Variants in IFI30 observed in about 807,000 individuals in gnomAD.
IFI30 encodes the protein gamma-interferon-inducible lysosomal thiol reductase.
In IFI30, 26 loss-of-function variants were observed where a neutral mutation model predicts 30.1. The observed-to-expected ratio is 0.87, with a 90% CI of 0.63 to 1.20. The LOEUF is 1.20. Ranked by LOEUF, IFI30 falls within the 50% of genes most tolerant of loss-of-function variation. The pLI is 0.00. For missense variants in IFI30, 296 were observed against 312.5 expected (o/e 0.95, Z 0.40); for synonymous variants, 149 against 134.5 (o/e 1.11, Z -0.75).
chr19:18,175,092 T>C lies in IFI30; in HGVS notation c.185T>C (p.Val62Ala). 6.2e-7 allele frequency: 1 copy of C among 1,613,814 alleles called. No homozygotes were observed. Among genetic ancestry groups the C allele is most frequent in the Non-Finnish European group, 8.5e-7 (1 of 1,179,824 alleles). The stretch of plus-strand genomic sequence containing the variant: ...CTGAAGAAGTCCAATGCACCGCTTG[T>C]CAATGTGACCCTCTACTATGAAGCA... ...GPLKKSNAPL[V>A]NVTLYYEALC... The change falls in exon 2 of 7, where the codon GTC (valine) becomes GCC (alanine). Residue 62 changes from valine to alanine, a missense_variant. Val to Ala is a moderately conservative substitution (Grantham distance 64). Transcript: ENST00000407280.
rs1220476979 is a variant in IFI30 at position 18,175,202 on chromosome 19, G to A, written c.295G>A (p.Val99Met). 1.9e-6 allele frequency: 3 copies of A among 1,589,366 alleles called. No individual in the cohort carries two copies. The Admixed American group carries it at 5.5e-5, about 29-fold the overall frequency. ...CATGGAGATCCTCAATGTCACGCTG[G>A]TGCCCTACGGAAACGCACAGGTGTG... ...LVMEILNVTL[V>M]PYGNAQEQNV... The change falls in exon 2 of 7, where the codon GTG becomes ATG. Residue 99 changes from valine (V) to methionine (M), a missense_variant. Val to Met is a conservative substitution (Grantham distance 21, BLOSUM62 1). Transcript: ENST00000407280.
rs768985984 is a variant in IFI30, at chr19:18,175,252, G to A, written c.315+30G>A. On this transcript the variant is annotated intron_variant, in intron 2 of 6. Coordinates refer to ENST00000407280, the MANE Select transcript of IFI30 (RefSeq NM_006332.5). Reference sequence around the variant, plus strand: ...GTGGGCGCTGGGGAAACTGAGGCACGTGGGCAGGGGAGCAGGGGACCCAGC... The same window carrying A: ...GTGGGCGCTGGGGAAACTGAGGCACATGGGCAGGGGAGCAGGGGACCCAGC... 231 of 1,575,666 alleles carry A rather than the reference G, an allele frequency of 1.5e-4. 1 individual carries two copies. The highest frequency in any genetic ancestry group is 2.0e-4 in the Non-Finnish European group (228 of 1,161,284).
Position 18,177,751 on chromosome 19 carries a change from G to A in IFI30, c.677G>A (p.Cys226Tyr). 1 of 1,613,802 alleles carries A rather than the reference G, an allele frequency of 6.2e-7. No homozygotes were observed. The highest frequency in any genetic ancestry group is 8.5e-7 in the Non-Finnish European group (1 of 1,179,812). The stretch of plus-strand genomic sequence containing the variant: ...CAGACCCAGCTCCTTACCCTTGTCT[G>A]CCAGTTGTACCAGGTAAGCTGGGAG... ...EDQTQLLTLV[C>Y]QLYQGKKPDV... The change falls in exon 6 of 7, where the codon TGC becomes TAC. Residue 226 changes from cysteine (C) to tyrosine (Y), a missense_variant. By Grantham distance (194) the Cys-to-Tyr change is radical. Coordinates refer to ENST00000407280, the MANE Select transcript of IFI30 (RefSeq NM_006332.5).
Position 18,177,747 on chromosome 19 carries a change from G to C in IFI30, c.673G>C (p.Val225Leu). The change falls in exon 6 of 7, where the codon GTC (valine) becomes CTC (leucine). Residue 225 changes from valine (V) to leucine (L), a missense_variant. By Grantham distance (32) the Val-to-Leu change is conservative. Coordinates refer to ENST00000407280, the MANE Select transcript of IFI30 (RefSeq NM_006332.5). ...LEDQTQLLTL[V>L]CQLYQGKKPD... ...AGATCAGACCCAGCTCCTTACCCTT[G>C]TCTGCCAGTTGTACCAGGTAAGCTG... The C allele has an allele frequency of 6.2e-7, 1 of 1,613,866 alleles. No individual in the cohort carries two copies. Among genetic ancestry groups the C allele is most frequent in the Non-Finnish European group, 8.5e-7 (1 of 1,179,848 alleles).
chr19:18,175,045 CA>C lies in IFI30; in HGVS notation c.140del (p.Asn47IlefsTer8), dbSNP rs1967249362. 6.2e-7 allele frequency: 1 copy of C among 1,613,066 alleles called. No homozygotes were observed. On this transcript the variant is annotated frameshift_variant, in exon 2 of 7. Transcript: ENST00000407280. LOFTEE classifies it high-confidence loss of function. ...CACGCCTTCCTAATCCACAGACAGG[CA>C]ATCTATACCTGCGGGGGCCCCTGAA... ...NGPPVNYKTGNLYLRGPLKKS... is the reference protein window; with the variant it reads ...NGPPVNYKTGXLYLRGPLKKS...
chr19:18,174,817 A>G, intron 1 of IFI30: 1 of 512,124 alleles, frequency 2.0e-6, no homozygotes, highest in South Asian at 2.5e-5. Context: ...TGTTGCAGTG[A>G]GCCGAGATCG....
At chr19:18,177,036 C>A in intron 4 of IFI30, 104 bp from the exon 5 acceptor site, 1 of 1,220,862 alleles carries the variant, frequency 8.2e-7, no homozygotes. Flanking sequence ...GCCAACTGTA[C>A]CCTCTTCTCA....
rs769096129 is a variant in IFI30, at chr19:18,177,325, C to T, written c.636+33C>T. ...TCTTTTTAGCCCTCAGCTTGACACT[C>T]ATAGTCCCATGGAGTCAGGGATGGA... On this transcript the variant is annotated intron_variant, in intron 5 of 6. Coordinates refer to ENST00000407280, the MANE Select transcript of IFI30 (RefSeq NM_006332.5). 2.6e-6 allele frequency: 4 copies of T among 1,558,660 alleles called. No homozygotes were observed. The South Asian group carries it at 4.8e-5, about 19-fold the overall frequency.
At chr19:18,174,128 G>C in intron 1 of IFI30, 155 bp downstream of exon 1, 1 of 697,896 alleles carries the variant, frequency 1.4e-6, no homozygotes, top group South Asian at 2.0e-5. Context: ...TTCAGTTCCC[G>C]GCGCTGCGGC....
In IFI30 at chr19:18,174,968, A is replaced by G. The variant is rs1967248376; in HGVS notation, c.133-72A>G. 2.4e-6 allele frequency: 3 copies of G among 1,256,696 alleles called. No homozygotes were observed. In the African/African-American group the frequency reaches 4.5e-5, roughly 19 times the overall value. The allele number at this position is 1,256,696 out of a possible 1,614,324, so 77.8% of individuals were successfully genotyped here. On this transcript the variant is annotated intron_variant, in intron 1 of 6. Coordinates refer to ENST00000407280, the MANE Select transcript of IFI30 (RefSeq NM_006332.5). Reference sequence around the variant, plus strand: ...ATCACAGCCCCCTTTCTACAAGACTACCAAGTGGGGTTGAGAGAAGTGGGG... The same window carrying G: ...ATCACAGCCCCCTTTCTACAAGACTGCCAAGTGGGGTTGAGAGAAGTGGGG...
Position 18,178,099 on chromosome 19 carries a change from T to C in IFI30, c.*188T>C, listed in dbSNP as rs1359139538. 1 of 618,618 alleles carries C rather than the reference T, an allele frequency of 1.6e-6. No individual in the cohort carries two copies. The highest frequency in any genetic ancestry group is 1.8e-5 in the African/African-American group (1 of 54,222). The allele number at this position is 618,618 out of a possible 1,614,324, so 38.3% of individuals were successfully genotyped here. ...TGCTCCACTAAGAATGGTGCTAAAG[T>C]AAAACTAGTTTAATAAGCCCTTCTG... On this transcript the variant is annotated 3_prime_UTR_variant, in exon 7 of 7. Coordinates refer to ENST00000407280, the MANE Select transcript of IFI30 (RefSeq NM_006332.5).
intron 1 of IFI30, chr19:18,174,195 C>T (rs1364416033): frequency 1.9e-6 from 1 of 517,910 alleles, no homozygotes; most frequent in Non-Finnish European, 3.4e-6. Context: ...GCGCAGCTGC[C>T]TCCACCCGCC....
Position 18,175,767 on chromosome 19 carries a change from C to A in IFI30, c.483+70C>A. The A allele has an allele frequency of 4.1e-6, 5 of 1,218,852 alleles. No individual in the cohort carries two copies. In the South Asian group the frequency reaches 5.2e-5, roughly 13 times the overall value. 75.5% of individuals were successfully genotyped at this position (1,218,852 alleles called of 1,614,324 possible). On this transcript the variant is annotated intron_variant, in intron 4 of 6. Coordinates refer to ENST00000407280, the MANE Select transcript of IFI30 (RefSeq NM_006332.5). Reference sequence around the variant, plus strand: ...GTAACCTTCCCTGCATCCAGGCAGACCCAAATTCAAGTCCTAGCCCTGACC... The same window carrying A: ...GTAACCTTCCCTGCATCCAGGCAGAACCAAATTCAAGTCCTAGCCCTGACC...
chr19:18,173,949 G>A lies in IFI30; in HGVS notation c.108G>A (p.Gly36=), dbSNP rs1269413878. The A allele has an allele frequency of 1.3e-6, 2 of 1,551,464 alleles. No individual in the cohort carries two copies. The highest frequency in any genetic ancestry group is 2.4e-5 in the East Asian group (1 of 40,930). ...ASPLQALDFF[G]NGPPVNYKTG... is the part of the protein sequence containing the mutation. ...CTCTGCAAGCGTTAGACTTCTTTGG[G>A]AATGGGCCACCAGTTAACTACAAGG... Residue 36 remains glycine, a synonymous_variant, in exon 1 of 7, where the codon GGG becomes GGA. Coordinates refer to ENST00000407280, the MANE Select transcript of IFI30 (RefSeq NM_006332.5).
At chr19:18,174,824 A>G in intron 1 of IFI30, 1 of 529,296 alleles carries the variant, frequency 1.9e-6, no homozygotes, top group East Asian at 3.2e-5. Context: ...GTGAGCCGAG[A>G]TCGTGCCGCA....
At chr19:18,176,049 G>T (rs893242617) in intron 4 of IFI30, among the ~76,000 whole-genome samples, 1 of 150,712 alleles carries the variant, frequency 6.6e-6, no homozygotes, top group African/African-American at 2.4e-5. Context: ...CACCATGTTG[G>T]TCAGGCTTGT....
intron 4 of IFI30, among the ~76,000 whole-genome samples, chr19:18,176,463 G>T (rs928387305): frequency 1.3e-5 from 2 of 152,088 alleles, no homozygotes; most frequent in African/African-American, 4.8e-5. Flanking sequence ...CTCCCCTCTT[G>T]AAGCCTCCAT....
At position 18,175,446 on chromosome 19, in the gene IFI30, A is replaced by G. The variant is rs1282102549; in HGVS notation, c.390+61A>G. On this transcript the variant is annotated intron_variant, in intron 3 of 6. Transcript: ENST00000407280. ...AAAACTGTCCCACGTACAGGAGGCA[A>G]ATACGAGGATGCCAGCTCTGTCTTC... 2.7e-6 allele frequency: 4 copies of G among 1,493,142 alleles called. No homozygotes were observed. In the South Asian group the frequency reaches 3.6e-5, roughly 13 times the overall value. 92.5% of individuals were successfully genotyped at this position (1,493,142 alleles called of 1,614,324 possible).
chr19:18,175,570 T>C, intron 3 of IFI30, 35 bp from the exon 4 acceptor site: 1 of 1,573,122 alleles, frequency 6.4e-7, no homozygotes, highest in Non-Finnish European at 8.7e-7. Flanking sequence ...CTAGGCCCTC[T>C]TCATGCCCTC....
Sources: gnomAD v4.1 joint callset for allele counts (sites outside exome capture counted in the v4.1 genomes callset) on GRCh38, gnomAD v4.1.1 for gene constraint, MANE v1.5 for transcripts, NCBI Gene and HGNC (gene_info 2026-07-23, HGNC 2026-07-21) for gene names.